Variants in MBNL2 observed in about 807,000 individuals in gnomAD.
MBNL2 encodes the protein muscleblind like splicing regulator 2.
Under a neutral mutation model 41.9 loss-of-function variants are expected in MBNL2, and 17 were observed. That is an observed-to-expected ratio of 0.41 (90% CI 0.28 to 0.61). The LOEUF is 0.61. Among genes scored for constraint, MBNL2 ranks in the 20% least tolerant of loss-of-function variants. The probability of loss-of-function intolerance (pLI) is 0.35; values close to 1 mark genes in which losing one functional copy is unlikely to be tolerated. For missense variants in MBNL2, 336 were observed against 505.6 expected (o/e 0.66, Z 3.22); for synonymous variants, 195 against 182.9 (o/e 1.07, Z -0.53).
the MBNL2 span, among the ~76,000 whole-genome samples, chr13:97,191,827 C>T: frequency 5.3e-5 from 8 of 152,148 alleles, no homozygotes; most frequent in African/African-American, 1.2e-4. Flanking sequence ...GCAGCTGCTC[C>T]GGGTACTTGG....
chr13:97,366,743 G>GTT lies in MBNL2; in HGVS notation c.1048+1572_1048+1573insTT. ...AGAGTTAACATTTACTGCAAATAAT[G>GTT]ATGTAGCTATGTTTTGTGTTGCACT... On this transcript the variant is annotated intron_variant, in intron 8 of 8. Coordinates refer to ENST00000679496, the MANE Select transcript of MBNL2 (RefSeq NM_001382683.1). The surrounding 1 kb of genome is among the most constrained non-coding windows in gnomAD (Gnocchi z 4.7). 1.5e-6 allele frequency: 1 copy of GTT among 661,752 alleles called. No homozygotes were observed. The highest frequency in any genetic ancestry group is 1.6e-5 in the South Asian group (1 of 60,706). The allele number at this position is 661,752 out of a possible 1,614,324, so 41.0% of individuals were successfully genotyped here. A position where few individuals can be genotyped will look rare whatever the true frequency, so the allele number is the denominator to read the frequency against.
intron 1 of MBNL2, among the ~76,000 whole-genome samples, chr13:97,254,823 T>C (rs949996406): frequency 6.6e-6 from 1 of 152,124 alleles, no homozygotes; most frequent in African/African-American, 2.4e-5. Context: ...TGAAACCCAA[T>C]AGATGCTACT....
chr13:97,183,957 G>T, the MBNL2 span, among the ~76,000 whole-genome samples: 1 of 152,106 alleles, frequency 6.6e-6, no homozygotes, highest in Non-Finnish European at 1.5e-5. Flanking sequence ...TCATGCTTTG[G>T]TCTAATCATT....
At chr13:97,239,856 C>A (rs992547811) in intron 1 of MBNL2, among the ~76,000 whole-genome samples, 2 of 152,124 alleles carry the variant, frequency 1.3e-5, no homozygotes, top group African/African-American at 4.8e-5. Flanking sequence ...GAGGGCCACT[C>A]GAAAACTTAA....
At chr13:97,186,295 C>G in the MBNL2 span, among the ~76,000 whole-genome samples, 1 of 152,152 alleles carries the variant, frequency 6.6e-6, no homozygotes, top group Non-Finnish European at 1.5e-5. Flanking sequence ...AAATCCTGCC[C>G]CTTCTCCTGT....
intron 8 of MBNL2, among the ~76,000 whole-genome samples, chr13:97,376,313 A>G (rs929985049): frequency 6.6e-6 from 1 of 152,142 alleles, no homozygotes; most frequent in South Asian, 2.1e-4. Context: ...TCTCTGTCAC[A>G]TAACGCTCCT....
intron 4 of MBNL2, among the ~76,000 whole-genome samples, chr13:97,345,245 T>C (rs2061743078): frequency 6.6e-6 from 1 of 152,248 alleles, no homozygotes; most frequent in Non-Finnish European, 1.5e-5. Flanking sequence ...ATCAGCGTGA[T>C]GATCATTTAC....
chr13:97,367,759 G>T (rs1294191574), intron 8 of MBNL2, among the ~76,000 whole-genome samples: 1 of 152,150 alleles, frequency 6.6e-6, no homozygotes, highest in Admixed American at 6.5e-5. Flanking sequence ...GAACAGCAGT[G>T]CAGAGGCAGG....
intron 1 of MBNL2, among the ~76,000 whole-genome samples, chr13:97,248,371 A>G (rs2045895829): frequency 6.6e-6 from 1 of 152,196 alleles, no homozygotes; most frequent in African/African-American, 2.4e-5. Context: ...TCTCGACCTC[A>G]GGTATCTGCT....
At chr13:97,312,780 T>G (rs931099625) in intron 2 of MBNL2, among the ~76,000 whole-genome samples, 7 of 152,212 alleles carry the variant, frequency 4.6e-5, no homozygotes, top group Admixed American at 3.3e-4. Context: ...TCTCTGTGCA[T>G]CTATATTACT....
chr13:97,271,738 A>G (rs1396473229), intron 1 of MBNL2, among the ~76,000 whole-genome samples: 4 of 152,152 alleles, frequency 2.6e-5, no homozygotes, highest in African/African-American at 9.7e-5. Context: ...AGCTTTATCC[A>G]TGTCCCTGCA....
intron 8 of MBNL2, among the ~76,000 whole-genome samples, chr13:97,373,040 CCT>C (rs2064540216): frequency 6.6e-6 from 1 of 152,040 alleles, no homozygotes; most frequent in South Asian, 2.1e-4. Flanking sequence ...AGGATCCTGT[CCT>C]CTCTCTCTCC....
chr13:97,154,491 T>G, the MBNL2 span, among the ~76,000 whole-genome samples: 1 of 152,028 alleles, frequency 6.6e-6, no homozygotes, highest in African/African-American at 2.4e-5. Flanking sequence ...ATTTTTGCAT[T>G]TTTAGTAGAG....
chr13:97,159,041 G>A, the MBNL2 span, among the ~76,000 whole-genome samples: 4 of 151,418 alleles, frequency 2.6e-5, no homozygotes, highest in African/African-American at 9.7e-5. Context: ...AAGTCTCTTT[G>A]TAGGTCACTC....
intron 5 of MBNL2, among the ~76,000 whole-genome samples, chr13:97,351,989 A>T (rs908734826): frequency 2.7e-5 from 4 of 150,584 alleles, no homozygotes; most frequent in African/African-American, 9.9e-5. Flanking sequence ...ATGCCACTGC[A>T]CTCTAGCCTG....
chr13:97,380,225 G>T (rs1365323776), intron 8 of MBNL2, among the ~76,000 whole-genome samples: 9 of 151,910 alleles, frequency 5.9e-5, no homozygotes, highest in South Asian at 4.1e-4. Context: ...TGGGCGCAGT[G>T]GCTCATGCCT....
At chr13:97,348,105 G>A (rs2062064593) in intron 5 of MBNL2, among the ~76,000 whole-genome samples, 2 of 132,588 alleles carry the variant, frequency 1.5e-5, no homozygotes, top group Non-Finnish European at 3.1e-5. Flanking sequence ...TTAAGACAAG[G>A]TCTCTGTCAC....
rs547217688 is a variant in MBNL2 at position 97,285,015 on chromosome 13, GAGAA to G, written c.174+8616_174+8619del. On this transcript the variant is annotated intron_variant, in intron 2 of 8. Transcript: ENST00000679496. ...AAACCATTTATTATTAAGGTGTAAG[GAGAA>G]AGAAAGAAATATTTATCATGTTACA... Among the ~76,000 whole-genome samples the G allele has an allele frequency of 1.3e-4, 20 of 152,240 alleles. 1 individual carries two copies. Among genetic ancestry groups the G allele is most frequent in the Middle Eastern group, 3.4e-3 (1 of 294 alleles).
intron 8 of MBNL2, among the ~76,000 whole-genome samples, chr13:97,387,774 C>T (rs1156985907): frequency 6.6e-6 from 1 of 152,198 alleles, no homozygotes; most frequent in Non-Finnish European, 1.5e-5. Context: ...AAAATATGAT[C>T]ACAATACTGA....
Sources: gnomAD v4.1 joint callset for allele counts (sites outside exome capture counted in the v4.1 genomes callset) on GRCh38, gnomAD v4.1.1 for gene constraint, Gnocchi (gnomAD v3.1) non-coding constraint, MANE v1.5 for transcripts, NCBI Gene and HGNC (gene_info 2026-07-23, HGNC 2026-07-21) for gene names.